The following NLRP1 variants were observed in gnomAD, a reference collection of about 807,000 sequenced individuals.
NLRP1 encodes NLR family pyrin domain containing 1.
In NLRP1, 94 loss-of-function variants were observed where a neutral mutation model predicts 136.7. The observed-to-expected ratio is 0.69, with a 90% CI of 0.58 to 0.82. NLRP1 has a LOEUF of 0.82. Ranked by LOEUF, NLRP1 falls within the 40% of genes least tolerant of loss-of-function variation. The pLI is 0.00. For missense variants in NLRP1, 1,575 were observed against 1,802.7 expected (o/e 0.87, Z 2.29); for synonymous variants, 690 against 725.1 (o/e 0.95, Z 0.78).
At chr17:5,509,750 C>T (rs937404569), downstream of NLRP1, among the ~76,000 whole-genome samples, 1 of 152,104 alleles carries the variant, frequency 6.6e-6, no homozygotes, top group Non-Finnish European at 1.5e-5. Context: ...GGTGATTCAT[C>T]CGTCTCAGCC....
intron 14 of NLRP1, 91 bp downstream of exon 14, chr17:5,520,790 C>T: frequency 1.7e-6 from 2 of 1,197,356 alleles, no homozygotes; most frequent in Non-Finnish European, 1.1e-6. Flanking sequence ...TTTATCCTGT[C>T]CCTGAGAAAG....
In NLRP1 at chr17:5,583,062, G is replaced by A. The variant is rs1401151098; in HGVS notation, c.272-216C>T. On this transcript the variant is annotated intron_variant, in intron 1 of 16. Transcript: ENST00000572272. The surrounding 1 kb of genome is among the most constrained non-coding windows in gnomAD (Gnocchi z 4.5). ...ATCCTCATCTAGGATCAGGAAATTTGCATATCTGTCTTGGTCCTGACTATC... is the reference window on the plus strand; with the variant it reads ...ATCCTCATCTAGGATCAGGAAATTTACATATCTGTCTTGGTCCTGACTATC... Among the ~76,000 whole-genome samples the A allele has an allele frequency of 6.6e-6, 1 of 152,032 alleles. No individual in the cohort carries two copies. Among genetic ancestry groups the A allele is most frequent in the Non-Finnish European group, 1.5e-5 (1 of 68,024 alleles).
chr17:5,566,271 G>C (rs566052444), intron 3 of NLRP1, among the ~76,000 whole-genome samples: 6 of 151,772 alleles, frequency 4.0e-5, no homozygotes, highest in Admixed American at 2.6e-4. Flanking sequence ...TTGTTTATTT[G>C]AAGTTTTTCC....
intron 3 of NLRP1, among the ~76,000 whole-genome samples, chr17:5,579,289 G>C (rs1390142816): frequency 6.6e-6 from 1 of 151,442 alleles, no homozygotes; most frequent in Non-Finnish European, 1.5e-5. Flanking sequence ...CACCCTCCCT[G>C]ATGTGGGTGG....
intron 5 of NLRP1, among the ~76,000 whole-genome samples, chr17:5,550,718 TC>T (rs1365221090): frequency 6.6e-6 from 1 of 152,144 alleles, no homozygotes; most frequent in East Asian, 1.9e-4. Flanking sequence ...ATTATTTCTT[TC>T]CCCCTGCTTG....
intron 5 of NLRP1, among the ~76,000 whole-genome samples, chr17:5,545,264 C>A (rs947992387): frequency 6.6e-6 from 1 of 152,004 alleles, no homozygotes; most frequent in African/African-American, 2.4e-5. Flanking sequence ...GTCATGATCA[C>A]ACCACTGCAC....
chr17:5,563,304 C>T (rs1329451041), intron 3 of NLRP1, among the ~76,000 whole-genome samples: 1 of 152,046 alleles, frequency 6.6e-6, no homozygotes, highest in East Asian at 1.9e-4. Context: ...ACATAGAATT[C>T]AGAATATGAG....
intron 12 of NLRP1, among the ~76,000 whole-genome samples, chr17:5,523,754 G>GGACAAAGCCCTTAGTCAGAT (rs1909193140): frequency 6.6e-6 from 1 of 152,142 alleles, no homozygotes; most frequent in Admixed American, 6.5e-5. Context: ...CCAGCAAGCT[G>GGACAAAGCCCTTAGTCAGAT]GACAAAGCCC....
chr17:5,564,919 A>G (rs981467014), intron 3 of NLRP1, among the ~76,000 whole-genome samples: 12 of 151,722 alleles, frequency 7.9e-5, no homozygotes, highest in Admixed American at 7.2e-4. Context: ...TTGTGTTTTT[A>G]GTAGAGATGG....
rs1246321354 is a variant in NLRP1 at position 5,542,734 on chromosome 17, CTCCT to C, written c.2529-711_2529-708del. Among the ~76,000 whole-genome samples, 226 of 132,446 alleles carry C rather than the reference CTCCT, an allele frequency of 1.7e-3. 1 individual carries two copies. In the Middle Eastern group the frequency reaches 0.024, roughly 14 times the overall value. 86.9% of individuals were successfully genotyped at this position (132,446 alleles called of 152,430 possible). ...CATTTCCCTCCCTCCCTCCCTCCCT[CTCCT>C]TCCTTCCTTCCTTCCTTTCCTCTTT... On this transcript the variant is annotated intron_variant, in intron 5 of 16. Coordinates refer to ENST00000572272, the MANE Select transcript of NLRP1 (RefSeq NM_033004.4).
chr17:5,520,976 G>C lies in NLRP1; in HGVS notation c.3820C>G (p.Arg1274Gly). 1 of 1,610,898 alleles carries C rather than the reference G, an allele frequency of 6.2e-7. No individual in the cohort carries two copies. Among genetic ancestry groups the C allele is most frequent in the Non-Finnish European group, 8.5e-7 (1 of 1,178,352 alleles). The change falls in exon 14 of 17, where the codon CGA (arginine) becomes GGA (glycine). Residue 1274 changes from arginine (R) to glycine (G), a missense_variant. Transcript: ENST00000572272. ...DDLEMKFQFV[R>G]IHKPPPLTPL... Reference sequence around the variant, plus strand: ...GTCAGCGGGGGTGGCTTGTGGATTCGCACAAACTGGAATTTCATTTCTAGA... The same window carrying C: ...GTCAGCGGGGGTGGCTTGTGGATTCCCACAAACTGGAATTTCATTTCTAGA...
In NLRP1 at chr17:5,576,254, A is replaced by G. The variant is rs543314598; in HGVS notation, c.652+5605T>C. On this transcript the variant is annotated intron_variant, in intron 3 of 16. Transcript: ENST00000572272. ...AGCAAACACATTCAAAAGCTAGCAG[A>G]AGGCAAGAAATAACTAAGATCAGAG... Among the ~76,000 whole-genome samples the G allele has an allele frequency of 2.3e-3, 357 of 152,358 alleles. 1 individual carries two copies. Among genetic ancestry groups the G allele is most frequent in the South Asian group, 8.9e-3 (43 of 4,822 alleles).
chr17:5,525,659 G>C (rs1056847094), intron 12 of NLRP1, among the ~76,000 whole-genome samples: 1 of 152,236 alleles, frequency 6.6e-6, no homozygotes, highest in Non-Finnish European at 1.5e-5. Flanking sequence ...GCAGCTAAAT[G>C]ATAGGGACTG....
chr17:5,553,814 C>T (rs1434671408), intron 4 of NLRP1, among the ~76,000 whole-genome samples: 1 of 151,980 alleles, frequency 6.6e-6, no homozygotes, highest in African/African-American at 2.4e-5. Flanking sequence ...CTGTTTCTGC[C>T]TCAGTCTGGG....
intron 8 of NLRP1, among the ~76,000 whole-genome samples, chr17:5,534,293 C>T (rs1444121634): frequency 1.3e-5 from 2 of 152,164 alleles, no homozygotes; most frequent in African/African-American, 4.8e-5. Flanking sequence ...CACTTGAGCC[C>T]AGGAGGCAGA....
At chr17:5,545,380 AC>A (rs1912476138) in intron 5 of NLRP1, among the ~76,000 whole-genome samples, 1 of 150,964 alleles carries the variant, frequency 6.6e-6, no homozygotes, top group South Asian at 2.1e-4. Flanking sequence ...AGACACAGAC[AC>A]CCACACACAG....
At chr17:5,501,617 G>A (rs200529655) in exon 16 of NLRP1, 9 of 540,830 alleles carry the variant, frequency 1.7e-5, no homozygotes, top group Admixed American at 9.3e-5. Flanking sequence ...TGTACAACCT[G>A]TTTTCTCTTC....
At position 5,581,841 on chromosome 17, in the gene NLRP1, A is replaced by G; in HGVS notation, c.652+18T>C. 1.2e-6 allele frequency: 2 copies of G among 1,603,472 alleles called. No individual in the cohort carries two copies. Among genetic ancestry groups the G allele is most frequent in the South Asian group, 1.1e-5 (1 of 90,800 alleles). ...TCTCCCACCTCACCACCCCGCCAGG[A>G]GCTCAGTAGGGTCTCACCTGTGTAG... is the stretch of plus-strand genomic sequence containing the variant. On this transcript the variant is annotated intron_variant, in intron 3 of 16. Coordinates refer to ENST00000572272, the MANE Select transcript of NLRP1 (RefSeq NM_033004.4).
chr17:5,558,942 AG>A lies in NLRP1; in HGVS notation c.1753del (p.Leu585PhefsTer12). ...AAEGIWQKKT[L>X]FSPDDLRKHG... ...CTTCCTGAGGTCATCTGGACTGAAA[AG>A]GGTCTTTTTTTGCCAGATGCCCTCA... On this transcript the variant is annotated frameshift_variant, in exon 4 of 17. Transcript: ENST00000572272. LOFTEE classifies it high-confidence loss of function. 3 of 1,614,138 alleles carry A rather than the reference AG, an allele frequency of 1.9e-6. No homozygotes were observed. Among genetic ancestry groups the A allele is most frequent in the Non-Finnish European group, 2.5e-6 (3 of 1,180,010 alleles).
Sources: allele counts gnomAD v4.1 joint callset (sites outside exome capture counted in the v4.1 genomes callset), GRCh38; gene constraint gnomAD v4.1.1; non-coding constraint Gnocchi (gnomAD v3.1); transcripts MANE v1.5; gene names NCBI Gene and HGNC (gene_info 2026-07-23, HGNC 2026-07-21).